TCF4: variants seen among roughly 807,000 people sequenced by gnomAD.
The protein encoded by TCF4 is transcription factor 4, also known as SL3-3 enhancer factor 2.
TCF4 carries 3 observed loss-of-function variants against 82.1 expected under a neutral mutation model. The ratio of observed to expected loss-of-function variants is 0.04; its 90% CI spans 0.02 to 0.09. TCF4 has a LOEUF of 0.09. Ranked by LOEUF, TCF4 falls within the 10% of genes least tolerant of loss-of-function variation. The probability of loss-of-function intolerance (pLI) is 1.00; values close to 1 mark genes in which losing one functional copy is unlikely to be tolerated. For synonymous variants in TCF4, 276 were observed against 309.6 expected, an observed-to-expected ratio of 0.89 and a Z score of 1.14; for missense variants, 518 against 852.7, an observed-to-expected ratio of 0.61 and a Z score of 4.89.
intron 3 of TCF4, among the ~76,000 whole-genome samples, chr18:55,582,223 A>G (rs1321663068): frequency 1.3e-5 from 2 of 152,250 alleles, no homozygotes; most frequent in Admixed American, 6.5e-5. Context: ...TAGGTATCCT[A>G]CTTTTCAATG....
At chr18:55,536,970 T>C (rs1278651809) in intron 3 of TCF4, among the ~76,000 whole-genome samples, 1 of 150,360 alleles carries the variant, frequency 6.7e-6, no homozygotes, top group Non-Finnish European at 1.5e-5. Flanking sequence ...CCATCTCTAC[T>C]AAAAATACAG....
intron 8 of TCF4, among the ~76,000 whole-genome samples, chr18:55,295,785 A>G (rs2146755529): frequency 6.6e-6 from 1 of 152,252 alleles, no homozygotes; most frequent in African/African-American, 2.4e-5. Flanking sequence ...CGGATATGCC[A>G]TGCTCACCCC....
chr18:55,490,341 G>C (rs2096563153), intron 3 of TCF4, among the ~76,000 whole-genome samples: 1 of 152,098 alleles, frequency 6.6e-6, no homozygotes, highest in African/African-American at 2.4e-5. Context: ...ACGTGGGCTA[G>C]AGAGGCACAT....
intron 2 of TCF4, among the ~76,000 whole-genome samples, chr18:55,598,079 C>T (rs1234923063): frequency 1.3e-5 from 2 of 152,190 alleles, no homozygotes; most frequent in Non-Finnish European, 2.9e-5. Context: ...CCCTGACAAA[C>T]TATATAGAGA....
chr18:55,359,000 T>C (rs2084347303), intron 6 of TCF4, among the ~76,000 whole-genome samples: 1 of 152,252 alleles, frequency 6.6e-6, no homozygotes, highest in African/African-American at 2.4e-5. Flanking sequence ...AATCTTACTA[T>C]ATACTAATAC....
chr18:55,635,056 T>A (rs2097734950), intron 1 of TCF4, among the ~76,000 whole-genome samples: 1 of 152,194 alleles, frequency 6.6e-6, no homozygotes, highest in Non-Finnish European at 1.5e-5. Flanking sequence ...TGTGGTTTTA[T>A]AAATGTACAT....
chr18:55,339,681 C>T (rs1461792086), intron 8 of TCF4, among the ~76,000 whole-genome samples: 1 of 152,120 alleles, frequency 6.6e-6, no homozygotes, highest in Non-Finnish European at 1.5e-5. Context: ...TCACACCTCC[C>T]CCCTCCCTAC....
At chr18:55,435,089 A>T (rs1261317086) in intron 5 of TCF4, among the ~76,000 whole-genome samples, 1 of 152,130 alleles carries the variant, frequency 6.6e-6, no homozygotes, top group Non-Finnish European at 1.5e-5. Flanking sequence ...TTAACAAATA[A>T]ACCTTCTACT....
At chr18:55,537,488 G>A (rs1214919367) in intron 3 of TCF4, among the ~76,000 whole-genome samples, 3 of 152,014 alleles carry the variant, frequency 2.0e-5, no homozygotes, top group East Asian at 3.9e-4. Flanking sequence ...TACTCAAAAC[G>A]CTGAAGTGGG....
intron 8 of TCF4, among the ~76,000 whole-genome samples, chr18:55,335,877 T>C (rs2078525331): frequency 6.6e-6 from 1 of 152,066 alleles, no homozygotes; most frequent in Admixed American, 6.6e-5. Context: ...CTGTATAAAC[T>C]TCCAATTAAA....
At chr18:55,510,911 A>C in intron 3 of TCF4, 2 of 423,422 alleles carry the variant, frequency 4.7e-6, no homozygotes, top group Non-Finnish European at 6.7e-6. Flanking sequence ...AATCAACAAG[A>C]TCTCTGCCAA....
intron 3 of TCF4, among the ~76,000 whole-genome samples, chr18:55,578,202 G>A (rs866689842): frequency 3.9e-5 from 6 of 152,060 alleles, no homozygotes; most frequent in Admixed American, 3.3e-4. Context: ...GGATTACAAC[G>A]TCCATCTTTC....
intron 2 of TCF4, among the ~76,000 whole-genome samples, chr18:55,617,592 C>T (rs1372240949): frequency 6.6e-6 from 1 of 152,030 alleles, no homozygotes; most frequent in Non-Finnish European, 1.5e-5. Flanking sequence ...TTATTTGTGT[C>T]ATCTTCAATT....
intron 6 of TCF4, among the ~76,000 whole-genome samples, chr18:55,369,913 TTGTGTGTGTG>T (rs3838896): frequency 6.6e-6 from 1 of 150,722 alleles, no homozygotes; most frequent in Non-Finnish European, 1.5e-5. Context: ...AGAGTTTTAT[TTGTGTGTGTG>T]TGTGTGTGTG....
At chr18:55,256,220 T>C (rs2056789930) in intron 14 of TCF4, among the ~76,000 whole-genome samples, 2 of 152,174 alleles carry the variant, frequency 1.3e-5, no homozygotes, top group African/African-American at 4.8e-5. Context: ...TCTTCTTCAG[T>C]GTTCAGAATT....
At chr18:55,381,286 T>C (rs1293221921) in intron 6 of TCF4, among the ~76,000 whole-genome samples, 1 of 152,212 alleles carries the variant, frequency 6.6e-6, no homozygotes, top group African/African-American at 2.4e-5. Context: ...TGCTGTTTTC[T>C]AAGAAAAAGC....
upstream of TCF4, chr18:55,589,331 AG>A: frequency 9.5e-7 from 1 of 1,052,906 alleles, no homozygotes; most frequent in Non-Finnish European, 1.1e-6. Context: ...CAATATTCCA[AG>A]GAAAGAGACT....
intron 5 of TCF4, among the ~76,000 whole-genome samples, chr18:55,458,223 T>C (rs2095804588): frequency 6.6e-6 from 1 of 152,242 alleles, no homozygotes; most frequent in African/African-American, 2.4e-5. Context: ...TTTCTGATGC[T>C]ATAGCTTTTA....
chr18:55,565,664 A>G (rs1337981271), intron 3 of TCF4, among the ~76,000 whole-genome samples: 1 of 152,202 alleles, frequency 6.6e-6, no homozygotes, highest in African/African-American at 2.4e-5. Flanking sequence ...AAGCCCATGG[A>G]ATTTAAGCAT....
Sources: allele counts gnomAD v4.1 joint callset (sites outside exome capture counted in the v4.1 genomes callset), GRCh38; gene constraint gnomAD v4.1.1; transcripts MANE v1.5; gene names NCBI Gene and HGNC (gene_info 2026-07-23, HGNC 2026-07-21).